The following DNAJC1 variants were observed in gnomAD, a reference collection of about 807,000 sequenced individuals.
DNAJC1 encodes the protein dnaJ homolog subfamily C member 1.
DNAJC1 carries 58 observed loss-of-function variants against 76.6 expected under a neutral mutation model. The observed-to-expected ratio is 0.76, with a 90% CI of 0.61 to 0.94. DNAJC1 has a LOEUF of 0.94. Ranked by LOEUF, DNAJC1 falls within the 40% of genes least tolerant of loss-of-function variation. The pLI, the probability that DNAJC1 is intolerant of heterozygous loss-of-function variation, is 0.00. For synonymous variants in DNAJC1, 258 were observed against 267.9 expected (o/e 0.96, Z 0.36); for missense variants, 689 against 677.3 (o/e 1.02, Z -0.19).
chr10:21,821,345 G>A (rs1835156385), intron 8 of DNAJC1, among the ~76,000 whole-genome samples: 1 of 151,932 alleles, frequency 6.6e-6, no homozygotes, highest in Non-Finnish European at 1.5e-5. Flanking sequence ...TATATACAGT[G>A]GTATATAGTT....
intron 9 of DNAJC1, among the ~76,000 whole-genome samples, chr10:21,796,260 T>C (rs1221845145): frequency 1.3e-5 from 2 of 152,012 alleles, no homozygotes; most frequent in Non-Finnish European, 2.9e-5. Context: ...GTGAGCCACC[T>C]CACCCGGCCA....
At chr10:21,925,135 C>T (rs1837106190) in intron 3 of DNAJC1, among the ~76,000 whole-genome samples, 1 of 152,034 alleles carries the variant, frequency 6.6e-6, no homozygotes, top group Admixed American at 6.6e-5. Flanking sequence ...TCTCAGCCAC[C>T]CAAGTAGTTG....
At chr10:21,936,127 G>C (rs1027948642) in intron 1 of DNAJC1, among the ~76,000 whole-genome samples, 37 of 152,226 alleles carry the variant, frequency 2.4e-4, no homozygotes, top group African/African-American at 8.7e-4. Context: ...CCTCTAAGAA[G>C]TGATTAGGCC....
intron 8 of DNAJC1, among the ~76,000 whole-genome samples, chr10:21,836,068 G>A (rs886501032): frequency 1.9e-4 from 29 of 152,298 alleles, no homozygotes; most frequent in Non-Finnish European, 3.2e-4. Flanking sequence ...GTTAAGGGCA[G>A]CCAGAGAGAA....
At chr10:21,771,271 T>C (rs1253511843) in intron 9 of DNAJC1, among the ~76,000 whole-genome samples, 3 of 152,218 alleles carry the variant, frequency 2.0e-5, no homozygotes, top group South Asian at 2.1e-4. Context: ...TTCCATCTTA[T>C]TTCTTTTTCT....
intron 8 of DNAJC1, among the ~76,000 whole-genome samples, chr10:21,842,564 A>T (rs1835591160): frequency 1.3e-5 from 2 of 152,250 alleles, no homozygotes; most frequent in Non-Finnish European, 2.9e-5. Flanking sequence ...GGTACACTGA[A>T]CGCCATCTTA....
intron 8 of DNAJC1, among the ~76,000 whole-genome samples, chr10:21,881,447 G>C (rs1836275882): frequency 6.6e-6 from 1 of 152,074 alleles, no homozygotes; most frequent in Admixed American, 6.5e-5. Context: ...TGATACACAT[G>C]CAACTCTTCC....
At chr10:21,793,537 C>G (rs1834716471) in intron 9 of DNAJC1, among the ~76,000 whole-genome samples, 1 of 152,196 alleles carries the variant, frequency 6.6e-6, no homozygotes, top group Non-Finnish European at 1.5e-5. Context: ...AACTTTTTAT[C>G]CACAGAACTA....
chr10:21,818,272 T>A (rs369496992), intron 8 of DNAJC1, among the ~76,000 whole-genome samples: 50 of 152,232 alleles, frequency 3.3e-4, no homozygotes, highest in African/African-American at 1.1e-3. Context: ...AGCCCCAGTC[T>A]CCCATAGCGC....
At chr10:21,900,595 G>A (rs1281686073) in intron 7 of DNAJC1, among the ~76,000 whole-genome samples, 8 of 152,044 alleles carry the variant, frequency 5.3e-5, no homozygotes, top group Non-Finnish European at 1.0e-4. Context: ...ATATTATACT[G>A]TACCCTAGGT....
chr10:21,893,996 G>A (rs1273370564), intron 7 of DNAJC1, among the ~76,000 whole-genome samples: 5 of 151,954 alleles, frequency 3.3e-5, no homozygotes, highest in Admixed American at 6.6e-5. Context: ...ACATCAAAAG[G>A]ATAAAAAACA....
chr10:21,847,318 T>A, intron 8 of DNAJC1, among the ~76,000 whole-genome samples: 1 of 152,194 alleles, frequency 6.6e-6, no homozygotes, highest in Middle Eastern at 3.2e-3. Flanking sequence ...CTTTTAAAAT[T>A]GATATATAAT....
intron 3 of DNAJC1, among the ~76,000 whole-genome samples, chr10:21,925,754 C>T (rs943013670): frequency 6.6e-6 from 1 of 152,130 alleles, no homozygotes; most frequent in Non-Finnish European, 1.5e-5. Flanking sequence ...TACACTAAAT[C>T]GATCAGTAAT....
At chr10:21,773,827 A>G (rs1213161321) in intron 9 of DNAJC1, among the ~76,000 whole-genome samples, 3 of 151,404 alleles carry the variant, frequency 2.0e-5, no homozygotes, top group African/African-American at 7.3e-5. Context: ...TTTGCTATAA[A>G]GATTACTAGA....
intron 9 of DNAJC1, among the ~76,000 whole-genome samples, chr10:21,789,631 T>A (rs1374751582): frequency 6.6e-6 from 1 of 151,922 alleles, no homozygotes; most frequent in South Asian, 2.1e-4. Context: ...AAAAAAATCA[T>A]GATATAAATT....
intron 1 of DNAJC1, among the ~76,000 whole-genome samples, chr10:21,945,494 C>T (rs1837489971): frequency 6.6e-6 from 1 of 151,900 alleles, no homozygotes; most frequent in Non-Finnish European, 1.5e-5. Flanking sequence ...GTTTCCAGAG[C>T]AGGAAGGGGT....
chr10:21,882,021 G>A (rs898953864), intron 8 of DNAJC1, among the ~76,000 whole-genome samples: 2 of 152,016 alleles, frequency 1.3e-5, no homozygotes, highest in Non-Finnish European at 2.9e-5. Context: ...AGGCGTGGTG[G>A]TGGGCACCTG....
At chr10:21,968,758 C>G (rs1467930230) in intron 1 of DNAJC1, among the ~76,000 whole-genome samples, 2 of 152,108 alleles carry the variant, frequency 1.3e-5, no homozygotes, top group Non-Finnish European at 2.9e-5. Flanking sequence ...GATCTGCCCA[C>G]CTAGGCCCTG....
intron 8 of DNAJC1, among the ~76,000 whole-genome samples, chr10:21,831,058 C>T (rs1835349936): frequency 1.3e-5 from 2 of 152,122 alleles, no homozygotes; most frequent in African/African-American, 4.8e-5. Flanking sequence ...CTGCTGACTA[C>T]CCTCAAAGTT....
Sources: allele counts gnomAD v4.1 joint callset (sites outside exome capture counted in the v4.1 genomes callset), GRCh38; gene constraint gnomAD v4.1.1; transcripts MANE v1.5; gene names NCBI Gene and HGNC (gene_info 2026-07-23, HGNC 2026-07-21).